Variants in UBAP2 observed in about 807,000 individuals in gnomAD.
UBAP2 encodes the protein ubiquitin-associated protein 2.
UBAP2 carries 75 observed loss-of-function variants against 139.6 expected under a neutral mutation model. The observed-to-expected ratio is 0.54, with a 90% CI of 0.45 to 0.65. The LOEUF is 0.65. Among genes scored for constraint, UBAP2 ranks in the 30% least tolerant of loss-of-function variants. The pLI is 0.00. For missense variants in UBAP2, 1,368 were observed against 1,369.6 expected (o/e 1.00, Z 0.02); for synonymous variants, 526 against 526.2 (o/e 1.00, Z 0.01).
chr9:34,042,557 CAGG>C (rs1255765453), intron 1 of UBAP2, among the ~76,000 whole-genome samples: 2 of 151,112 alleles, frequency 1.3e-5, no homozygotes, highest in Non-Finnish European at 1.5e-5. Flanking sequence ...GGAGGCCAAG[CAGG>C]AGGATCACTT....
intron 7 of UBAP2, 115 bp downstream of exon 7, chr9:33,973,068 A>G: frequency 1.1e-6 from 1 of 902,314 alleles, no homozygotes; most frequent in East Asian, 2.4e-5. Flanking sequence ...CTCTTTAAGT[A>G]TAGAAAACAC....
intron 10 of UBAP2, among the ~76,000 whole-genome samples, chr9:33,956,785 A>G (rs1018867347): frequency 3.9e-5 from 6 of 152,168 alleles, no homozygotes; most frequent in Non-Finnish European, 7.4e-5. Context: ...GAGAATACCA[A>G]TAAACCCACC....
At chr9:34,024,984 C>T in intron 1 of UBAP2, among the ~76,000 whole-genome samples, 1 of 150,754 alleles carries the variant, frequency 6.6e-6, no homozygotes, top group African/African-American at 2.4e-5. Flanking sequence ...ACTCTGTCTC[C>T]CCAAAAAAAA....
chr9:33,975,260 T>C (rs927587006), intron 6 of UBAP2, among the ~76,000 whole-genome samples: 1 of 150,150 alleles, frequency 6.7e-6, no homozygotes, highest in Non-Finnish European at 1.5e-5. Context: ...TGAAACCCCG[T>C]CTTTATTAAA....
Position 33,943,496 on chromosome 9 carries a change from G to A in UBAP2, c.1639C>T (p.Leu547Phe). 1.2e-6 allele frequency: 2 copies of A among 1,614,206 alleles called. No homozygotes were observed. Among genetic ancestry groups the A allele is most frequent in the Non-Finnish European group, 1.7e-6 (2 of 1,180,038 alleles). ...GALEFGSEPS[L>F]SEFGSAPSSE... ...CTTGGAGCTGATCCAAATTCAGAGA[G>A]AGAAGGTTCTGACCCAAATTCCAGA... The change falls in exon 15 of 29, where the codon CTC becomes TTC. Residue 547 changes from leucine to phenylalanine, a missense_variant. Transcript: ENST00000379238.
chr9:34,048,524 G>C (rs1238105289), intron 1 of UBAP2, among the ~76,000 whole-genome samples: 1 of 152,136 alleles, frequency 6.6e-6, no homozygotes, highest in African/African-American at 2.4e-5. Context: ...CTCCAGGGCA[G>C]AAACCCGAAA....
At chr9:33,947,543 C>T (rs1397755093) in intron 13 of UBAP2, among the ~76,000 whole-genome samples, 1 of 152,052 alleles carries the variant, frequency 6.6e-6, no homozygotes, top group Non-Finnish European at 1.5e-5. Context: ...CTGTCCAGGC[C>T]GGGCGTGGTG....
chr9:33,942,995 A>G (rs1020414705), intron 15 of UBAP2, among the ~76,000 whole-genome samples: 12 of 152,246 alleles, frequency 7.9e-5, no homozygotes, highest in Admixed American at 6.5e-4. Context: ...CCAAATGTCC[A>G]TAGCAGCATC....
intron 17 of UBAP2, chr9:33,935,574 C>A (rs544739858): frequency 1.6e-5 from 8 of 492,050 alleles, no homozygotes; most frequent in African/African-American, 1.4e-4. Flanking sequence ...GCCCAAGCAT[C>A]TTTAAAATGC....
intron 8 of UBAP2, among the ~76,000 whole-genome samples, chr9:33,965,656 CAA>C (rs1433222739): frequency 6.6e-6 from 1 of 152,060 alleles, no homozygotes; most frequent in East Asian, 1.9e-4. Flanking sequence ...TAATCTTTGA[CAA>C]AAAACAATTA....
chr9:33,981,156 TA>T lies in UBAP2; in HGVS notation c.520+5603del, dbSNP rs1564044453. Among the ~76,000 whole-genome samples, 7 of 35,918 alleles carry T rather than the reference TA, an allele frequency of 1.9e-4. 2 individuals are homozygous for T. The highest frequency in any genetic ancestry group is 3.7e-4 in the Non-Finnish European group (7 of 18,936). 23.6% of individuals were successfully genotyped at this position (35,918 alleles called of 152,430 possible). On this transcript the variant is annotated intron_variant, in intron 6 of 28. Coordinates refer to ENST00000379238, the MANE Select transcript of UBAP2 (RefSeq NM_001370062.2). ...TATATATTCTGGATATATATATATA[TA>T]TTCTGGATATATATATATATATTCT...
chr9:33,965,328 C>A (rs948222394), intron 8 of UBAP2, among the ~76,000 whole-genome samples: 1 of 151,954 alleles, frequency 6.6e-6, no homozygotes, highest in Non-Finnish European at 1.5e-5. Context: ...TGTGAGAGTT[C>A]TTTATTTATT....
intron 6 of UBAP2, among the ~76,000 whole-genome samples, chr9:33,982,443 T>C (rs1023082799): frequency 2.0e-5 from 3 of 152,150 alleles, no homozygotes; most frequent in African/African-American, 4.8e-5. Context: ...AATAGGTAGG[T>C]AGTTTGCCTA....
At chr9:34,040,982 T>TAA (rs1275790473) in intron 1 of UBAP2, among the ~76,000 whole-genome samples, 103 of 152,212 alleles carry the variant, frequency 6.8e-4, no homozygotes, top group African/African-American at 2.5e-3. Context: ...AAAATTCCAC[T>TAA]CTCAGTTATG....
intron 13 of UBAP2, 32 bp from the exon 14 acceptor site, chr9:33,944,671 T>C: frequency 6.2e-7 from 1 of 1,603,394 alleles, no homozygotes; most frequent in Non-Finnish European, 8.5e-7. Context: ...TAATGAGGCA[T>C]AATGGCTTCA....
intron 1 of UBAP2, among the ~76,000 whole-genome samples, chr9:34,046,561 G>A (rs1209911474): frequency 1.3e-5 from 2 of 149,220 alleles, no homozygotes; most frequent in African/African-American, 2.5e-5. Flanking sequence ...GGAGAATGGC[G>A]TGAACCCGGG....
rs1823625806 is a variant in UBAP2, at chr9:33,928,049, G to A, written c.2176-57C>T. ...TGGAGGCAGAGGAGGAGGGTGCTGG[G>A]GAGAGCCTGGCCTGGCGCTTGGGCC... On this transcript the variant is annotated intron_variant, in intron 19 of 28. Transcript: ENST00000379238. The A allele has an allele frequency of 1.5e-5, 23 of 1,537,576 alleles. No individual in the cohort carries two copies. In the South Asian group the frequency reaches 2.9e-4, roughly 19 times the overall value.
At position 33,922,682 on chromosome 9, in the gene UBAP2, C is replaced by T. The variant is rs966210844; in HGVS notation, c.3264+5G>A. ...TAGGGTGGCTGCCTCCATCACTGTA[C>T]TCACCTGTGCATCCTGCGGAAGGTG... On this transcript the variant is annotated splice_donor_5th_base_variant and intron_variant, in intron 28 of 28. Coordinates refer to ENST00000379238, the MANE Select transcript of UBAP2 (RefSeq NM_001370062.2). The T allele has an allele frequency of 1.9e-6, 3 of 1,560,150 alleles. No homozygotes were observed. The African/African-American group carries it at 4.1e-5, about 21-fold the overall frequency.
intron 8 of UBAP2, among the ~76,000 whole-genome samples, chr9:33,967,037 T>C (rs1827518808): frequency 6.6e-6 from 1 of 152,204 alleles, no homozygotes; most frequent in African/African-American, 2.4e-5. Flanking sequence ...CTATTTATTG[T>C]CTTCTTTATT....
Sources: allele counts gnomAD v4.1 joint callset (sites outside exome capture counted in the v4.1 genomes callset), GRCh38; gene constraint gnomAD v4.1.1; transcripts MANE v1.5; gene names NCBI Gene and HGNC (gene_info 2026-07-23, HGNC 2026-07-21).